Variants in ITGA9 observed in about 807,000 individuals in gnomAD.
ITGA9 encodes integrin alpha-9.
ITGA9 carries 56 observed loss-of-function variants against 127.8 expected under a neutral mutation model. The observed-to-expected ratio is 0.44, with a 90% CI of 0.35 to 0.55. The LOEUF (loss-of-function observed/expected upper bound fraction) is 0.55. ITGA9 is among the 20% of genes least tolerant of loss of function. The pLI, the probability that ITGA9 is intolerant of heterozygous loss-of-function variation, is 0.00. For missense variants in ITGA9, 1,196 were observed against 1,347.1 expected, an observed-to-expected ratio of 0.89 and a Z score of 1.76; for synonymous variants, 508 against 514.5, an observed-to-expected ratio of 0.99 and a Z score of 0.17.
chr3:37,630,627 A>C (rs1186550599), intron 16 of ITGA9, among the ~76,000 whole-genome samples: 1 of 152,212 alleles, frequency 6.6e-6, no homozygotes, highest in African/African-American at 2.4e-5. Context: ...AGAAGAATGC[A>C]GATGTGAGCC....
rs866637917 is a variant in ITGA9, at chr3:37,625,826, G to T, written c.1690-3361G>T. On this transcript the variant is annotated intron_variant, in intron 15 of 27. Coordinates refer to ENST00000264741, the MANE Select transcript of ITGA9 (RefSeq NM_002207.3). The stretch of plus-strand genomic sequence containing the variant: ...GTGGGAAGAAGGGGCTGTCCTTTTG[G>T]GGGTGTTGGCCTGTTTCTAATTGCT... 3.9e-5 allele frequency among the ~76,000 whole-genome samples: 6 copies of T among 152,300 alleles called. No individual in the cohort carries two copies. The Middle Eastern group carries it at 0.01, about 259-fold the overall frequency.
intron 5 of ITGA9, among the ~76,000 whole-genome samples, chr3:37,495,533 G>A (rs985095822): frequency 6.6e-6 from 1 of 152,138 alleles, no homozygotes; most frequent in South Asian, 2.1e-4. Context: ...TTCATCTGCA[G>A]TCCTGTTGTT....
chr3:37,590,077 C>T (rs566104008), intron 15 of ITGA9, among the ~76,000 whole-genome samples: 98 of 152,258 alleles, frequency 6.4e-4, no homozygotes, highest in African/African-American at 1.8e-3. Context: ...GCTGCATTAC[C>T]AGCCAAGGAT....
At chr3:37,739,187 C>T (rs941452083) in intron 20 of ITGA9, among the ~76,000 whole-genome samples, 1 of 152,210 alleles carries the variant, frequency 6.6e-6, no homozygotes, top group African/African-American at 2.4e-5. Flanking sequence ...ATGCTGGGCA[C>T]ATGAGAAAAT....
At chr3:37,758,758 A>G (rs899845700) in intron 23 of ITGA9, among the ~76,000 whole-genome samples, 7 of 152,148 alleles carry the variant, frequency 4.6e-5, no homozygotes, top group African/African-American at 1.7e-4. Context: ...TCTTAAAAAA[A>G]AAAGTATCCT....
At chr3:37,577,996 T>C (rs1037419683) in intron 15 of ITGA9, among the ~76,000 whole-genome samples, 4 of 152,232 alleles carry the variant, frequency 2.6e-5, no homozygotes, top group Admixed American at 6.5e-5. Flanking sequence ...TAAAAAATAA[T>C]GTAGTTTTAA....
chr3:37,552,478 C>T (rs569772760), intron 15 of ITGA9, among the ~76,000 whole-genome samples: 2 of 151,378 alleles, frequency 1.3e-5, no homozygotes, highest in Admixed American at 6.6e-5. Context: ...ATATCATGGC[C>T]TCTTTTCTTC....
chr3:37,494,307 G>T (rs1698703761), intron 4 of ITGA9, among the ~76,000 whole-genome samples, 194 bp from the exon 5 acceptor site: 1 of 152,172 alleles, frequency 6.6e-6, no homozygotes, highest in African/African-American at 2.4e-5. Context: ...CTTCCCGATG[G>T]CACCAGAGCC....
At chr3:37,566,579 C>T (rs891489196) in intron 15 of ITGA9, among the ~76,000 whole-genome samples, 4 of 152,224 alleles carry the variant, frequency 2.6e-5, no homozygotes, top group African/African-American at 9.6e-5. Flanking sequence ...CTACCATTAG[C>T]CCCACTTTGG....
chr3:37,708,945 C>G (rs553921657), intron 18 of ITGA9, among the ~76,000 whole-genome samples: 1 of 151,474 alleles, frequency 6.6e-6, no homozygotes, highest in African/African-American at 2.5e-5. Flanking sequence ...GGTTTTGTCA[C>G]CAGACTTTCT....
intron 15 of ITGA9, among the ~76,000 whole-genome samples, chr3:37,550,002 G>A (rs1231895894): frequency 6.6e-6 from 1 of 152,132 alleles, no homozygotes; most frequent in Non-Finnish European, 1.5e-5. Flanking sequence ...AACACTAATC[G>A]AGCATTTAGT....
intron 14 of ITGA9, among the ~76,000 whole-genome samples, chr3:37,540,368 T>G (rs1699253308): frequency 6.6e-6 from 1 of 152,236 alleles, no homozygotes; most frequent in Non-Finnish European, 1.5e-5. Context: ...GGAAATTCAC[T>G]TCATTTAAAT....
chr3:37,619,858 T>TAGTCTCTTAGCTCAGCCTTCC (rs528552722), intron 15 of ITGA9, among the ~76,000 whole-genome samples: 11 of 152,132 alleles, frequency 7.2e-5, no homozygotes, highest in South Asian at 2.1e-4. Context: ...TTGCTGCTTC[T>TAGTCTCTTAGCTCAGCCTTCC]AGTCTCTTAG....
chr3:37,506,762 T>A (rs1003723680), intron 7 of ITGA9, among the ~76,000 whole-genome samples: 1 of 152,194 alleles, frequency 6.6e-6, no homozygotes, highest in Non-Finnish European at 1.5e-5. Flanking sequence ...TAGGTACAGA[T>A]GGATCAGGAA....
At chr3:37,488,191 C>T (rs60263000) in intron 4 of ITGA9, among the ~76,000 whole-genome samples, 10,479 of 152,196 alleles carry the variant, frequency 0.069, 553 homozygotes, top group African/African-American at 0.15. Flanking sequence ...CCTTCTTATG[C>T]GCCAGGACAA....
In ITGA9 at chr3:37,519,945, A is replaced by C. The variant is rs76323001; in HGVS notation, c.1236+591A>C. On this transcript the variant is annotated intron_variant, in intron 11 of 27. Transcript: ENST00000264741. Reference sequence around the variant, plus strand: ...TCATGCTCTCAGCAGAAGCATTGTCAGGATATTTGTGGATGTCTGCCTGTG... The same window carrying C: ...TCATGCTCTCAGCAGAAGCATTGTCCGGATATTTGTGGATGTCTGCCTGTG... Among the ~76,000 whole-genome samples the C allele has an allele frequency of 8.0e-3, 1,214 of 152,366 alleles. 9 individuals carry two copies. Among genetic ancestry groups the C allele is most frequent in the African/African-American group, 0.025 (1,047 of 41,590 alleles).
At chr3:37,728,231 A>G (rs981481715) in intron 18 of ITGA9, among the ~76,000 whole-genome samples, 4 of 152,158 alleles carry the variant, frequency 2.6e-5, no homozygotes, top group South Asian at 2.1e-4. Context: ...TCTCTCCCAT[A>G]TGCATCCTGG....
chr3:37,458,285 G>A (rs1318131070), intron 1 of ITGA9, among the ~76,000 whole-genome samples: 1 of 152,206 alleles, frequency 6.6e-6, no homozygotes, highest in Non-Finnish European at 1.5e-5. Context: ...TTCACTGGGG[G>A]CTTGTGTCAG....
chr3:37,759,433 A>C, intron 23 of ITGA9, among the ~76,000 whole-genome samples: 1 of 152,218 alleles, frequency 6.6e-6, no homozygotes, highest in Non-Finnish European at 1.5e-5. Flanking sequence ...CAAAGCAGCT[A>C]TTACAAATGT....
Sources: gnomAD v4.1 joint callset for allele counts (sites outside exome capture counted in the v4.1 genomes callset) on GRCh38, gnomAD v4.1.1 for gene constraint, MANE v1.5 for transcripts, NCBI Gene and HGNC (gene_info 2026-07-23, HGNC 2026-07-21) for gene names.